The following SPPL2A variants were observed in gnomAD, a reference collection of about 807,000 sequenced individuals.
SPPL2A encodes signal peptide peptidase-like 2A.
In SPPL2A, 51 loss-of-function variants were observed where a neutral mutation model predicts 63.8. The ratio of observed to expected loss-of-function variants is 0.80; its 90% CI spans 0.64 to 1.01. The LOEUF (loss-of-function observed/expected upper bound fraction) is 1.01, where lower values mean the gene tolerates loss of function less well. Among genes scored for constraint, SPPL2A ranks in the 50% least tolerant of loss-of-function variants. The pLI is 0.00. For synonymous variants in SPPL2A, 188 were observed against 205.8 expected (o/e 0.91, Z 0.74); for missense variants, 553 against 622.7 (o/e 0.89, Z 1.19).
At chr15:50,711,296 G>A (rs987294841) in intron 14 of SPPL2A, among the ~76,000 whole-genome samples, 10 of 145,624 alleles carry the variant, frequency 6.9e-5, no homozygotes, top group South Asian at 2.2e-4. Flanking sequence ...TGCAACCTCC[G>A]CCTCCCGGGT....
intron 14 of SPPL2A, among the ~76,000 whole-genome samples, chr15:50,708,999 T>C (rs1221719809): frequency 2.0e-5 from 3 of 151,620 alleles, no homozygotes; most frequent in African/African-American, 7.3e-5. Context: ...ATCGTGCTAC[T>C]GCGCTCCAGC....
chr15:50,734,007 G>A (rs910233545), intron 8 of SPPL2A, among the ~76,000 whole-genome samples: 5 of 152,054 alleles, frequency 3.3e-5, no homozygotes, highest in African/African-American at 7.2e-5. Context: ...TGCTGGCAAG[G>A]ATGTGGGAAA....
chr15:50,720,016 C>G lies in SPPL2A; in HGVS notation c.1412G>C (p.Cys471Ser). 6.2e-7 allele frequency: 1 copy of G among 1,613,634 alleles called. No individual in the cohort carries two copies. Among genetic ancestry groups the G allele is most frequent in the Non-Finnish European group, 8.5e-7 (1 of 1,179,652 alleles). ...GQPALLYLVPCTLITASVVAW... is the reference protein window; with the variant it reads ...GQPALLYLVPSTLITASVVAW... The stretch of plus-strand genomic sequence containing the variant: ...AACAACTGAGGCAGTAATAAGTGTG[C>G]AAGGTACTAAATAGAGGAGAGCAGG... Residue 471 changes from cysteine to serine, a missense_variant, in exon 14 of 15, where the codon TGC (cysteine) becomes TCC (serine). Transcript: ENST00000261854.
chr15:50,755,612 A>C (rs1414769061), intron 1 of SPPL2A, among the ~76,000 whole-genome samples: 1 of 143,664 alleles, frequency 7.0e-6, no homozygotes, highest in Non-Finnish European at 1.5e-5. Context: ...TAGGTGACAG[A>C]AGGACACCCT....
chr15:50,715,077 C>T (rs924745505), intron 14 of SPPL2A, among the ~76,000 whole-genome samples: 13 of 152,108 alleles, frequency 8.5e-5, no homozygotes, highest in African/African-American at 2.9e-4. Flanking sequence ...ACTGCAATTT[C>T]TGCCTCCCAG....
In SPPL2A at chr15:50,725,278, T is replaced by C. The variant is rs1469469365; in HGVS notation, c.1192A>G (p.Met398Val). 6.2e-7 allele frequency: 1 copy of C among 1,609,702 alleles called. No individual in the cohort carries two copies. Among genetic ancestry groups the C allele is most frequent in the East Asian group, 2.2e-5 (1 of 44,836 alleles). The stretch of plus-strand genomic sequence containing the variant: ...GAAACAGGCATGAGGCACACACTCA[T>C]TACTGAGAAATAGATCAGTTTTGGT... ...RVPKLIYFSV[M>V]SVCLMPVSIL... is the part of the protein sequence containing the mutation. The change falls in exon 12 of 15, where the codon ATG becomes GTG. Residue 398 changes from methionine (M) to valine (V), a missense_variant. Physicochemically the swap from Met to Val is conservative, Grantham distance 21. Coordinates refer to ENST00000261854, the MANE Select transcript of SPPL2A (RefSeq NM_032802.4).
chr15:50,759,440 T>C (rs2062989802), intron 1 of SPPL2A, among the ~76,000 whole-genome samples: 1 of 152,054 alleles, frequency 6.6e-6, no homozygotes, highest in Non-Finnish European at 1.5e-5. Context: ...AACCTATTTA[T>C]ATTACATTAA....
In SPPL2A at chr15:50,703,080, C is replaced by T. The variant is rs745925887; in HGVS notation, c.*4720G>A. On this transcript the variant is annotated 3_prime_UTR_variant, in exon 15 of 15. Transcript: ENST00000261854. ...ATATATCTATATTTCTTTGAGATGG[C>T]ATCTTGCTATGTCACCTAGGCTGGA... 4.0e-5 allele frequency: 6 copies of T among 151,456 alleles called. No individual in the cohort carries two copies. The highest frequency in any genetic ancestry group is 1.5e-4 in the African/African-American group (6 of 41,278). 9.4% of individuals were successfully genotyped at this position (151,456 alleles called of 1,614,324 possible).
rs1216133356 is a variant in SPPL2A at position 50,706,876 on chromosome 15, ATATAT to A, written c.*919_*923del. 4 of 152,104 alleles carry A rather than the reference ATATAT, an allele frequency of 2.6e-5. No homozygotes were observed. Among genetic ancestry groups the A allele is most frequent in the Non-Finnish European group, 5.9e-5 (4 of 68,018 alleles). 9.4% of individuals were successfully genotyped at this position (152,104 alleles called of 1,614,324 possible). A position where few individuals can be genotyped will look rare whatever the true frequency, so the allele number is the denominator to read the frequency against. The stretch of plus-strand genomic sequence containing the variant: ...CTGTCTCCTTTTAGTGACTAGTTCT[ATATAT>A]TATGTTTCTCTATATCTGGAAAAAT... On this transcript the variant is annotated 3_prime_UTR_variant, in exon 15 of 15. Coordinates refer to ENST00000261854, the MANE Select transcript of SPPL2A (RefSeq NM_032802.4).
intron 5 of SPPL2A, among the ~76,000 whole-genome samples, chr15:50,743,617 G>A (rs1390880166): frequency 2.0e-5 from 3 of 151,992 alleles, no homozygotes; most frequent in Non-Finnish European, 4.4e-5. Context: ...AAAGTGCTGG[G>A]ATTACAAGTG....
At chr15:50,721,331 G>A (rs1596379237) in intron 13 of SPPL2A, among the ~76,000 whole-genome samples, 1 of 152,176 alleles carries the variant, frequency 6.6e-6, no homozygotes, top group Non-Finnish European at 1.5e-5. Flanking sequence ...ACCACGTCTG[G>A]CCAGCCACTG....
intron 5 of SPPL2A, among the ~76,000 whole-genome samples, chr15:50,740,427 C>CA (rs34361362): frequency 0.036 from 2,087 of 58,414 alleles, 106 homozygotes; most frequent in African/African-American, 0.12. Flanking sequence ...AACTCCGTCT[C>CA]AAAAAAAAAA....
chr15:50,741,412 T>C (rs1233465949), intron 5 of SPPL2A, among the ~76,000 whole-genome samples: 1 of 150,484 alleles, frequency 6.6e-6, no homozygotes, highest in East Asian at 1.9e-4. Context: ...AGAGAGTTGA[T>C]GGAGACATGC....
intron 1 of SPPL2A, among the ~76,000 whole-genome samples, chr15:50,755,027 C>A (rs189482598): frequency 6.8e-6 from 1 of 147,678 alleles, no homozygotes; most frequent in Admixed American, 6.8e-5. Context: ...ACAAAAAAAA[C>A]GCAAATTCGG....
At chr15:50,749,266 A>G (rs1297436502) in intron 2 of SPPL2A, among the ~76,000 whole-genome samples, 1 of 151,982 alleles carries the variant, frequency 6.6e-6, no homozygotes, top group Non-Finnish European at 1.5e-5. Flanking sequence ...TACAGGTATC[A>G]GCCATTGTAC....
At chr15:50,764,610 G>T (rs78484086) in intron 1 of SPPL2A, 1 of 152,090 alleles carries the variant, frequency 6.6e-6, no homozygotes, top group Non-Finnish European at 1.5e-5. Flanking sequence ...AATAACATGC[G>T]TAAGTTTCCA....
chr15:50,732,976 T>C (rs1202319645), intron 8 of SPPL2A, among the ~76,000 whole-genome samples: 2 of 152,046 alleles, frequency 1.3e-5, no homozygotes, highest in Non-Finnish European at 2.9e-5. Flanking sequence ...TATTCAATTA[T>C]TAAACAGCAA....
In SPPL2A at chr15:50,753,403, G is replaced by C. The variant is rs189834807; in HGVS notation, c.67-3657C>G. ...AAATATCTTAGTAAAATTTCTCATA[G>C]ATATTGCATAGCTTCGAAAATTCAG... On this transcript the variant is annotated intron_variant, in intron 1 of 14. Transcript: ENST00000261854. 3.3e-5 allele frequency among the ~76,000 whole-genome samples: 5 copies of C among 152,274 alleles called. No individual in the cohort carries two copies. In the East Asian group the frequency reaches 9.7e-4, roughly 29 times the overall value.
chr15:50,719,520 C>T (rs1158133105), intron 14 of SPPL2A, among the ~76,000 whole-genome samples: 2 of 152,222 alleles, frequency 1.3e-5, no homozygotes, highest in Non-Finnish European at 2.9e-5. Context: ...GCTGGGATTA[C>T]AGGCGTGAGC....
Sources: allele counts gnomAD v4.1 joint callset (sites outside exome capture counted in the v4.1 genomes callset), GRCh38; gene constraint gnomAD v4.1.1; transcripts MANE v1.5; gene names NCBI Gene and HGNC (gene_info 2026-07-23, HGNC 2026-07-21).